Variants in UGT3A1 observed in about 807,000 individuals in gnomAD.
UGT3A1 encodes the protein UDP glycosyltransferase family 3 member A1, also known as UDP-glycosyltransferase 3A1.
In UGT3A1, 40 loss-of-function variants were observed where a neutral mutation model predicts 37.6. The ratio of observed to expected loss-of-function variants is 1.06; its 90% CI spans 0.83 to 1.38. The LOEUF (loss-of-function observed/expected upper bound fraction) is 1.38. Ranked by LOEUF, UGT3A1 falls within the 40% of genes most tolerant of loss-of-function variation. The pLI, the probability that UGT3A1 is intolerant of heterozygous loss-of-function variation, is 0.00. For synonymous variants in UGT3A1, 256 were observed against 232.3 expected (o/e 1.10, Z -0.93); for missense variants, 642 against 634.2 (o/e 1.01, Z -0.13).
At chr5:35,962,141 G>C (rs1225032273) in intron 4 of UGT3A1, 1 of 152,186 alleles carries the variant, frequency 6.6e-6, no homozygotes, top group Non-Finnish European at 1.5e-5. Flanking sequence ...AAATCTCTCT[G>C]CTACTTGCAG....
intron 2 of UGT3A1, among the ~76,000 whole-genome samples, chr5:35,983,181 CAA>C (rs78247641): frequency 6.1e-5 from 9 of 146,680 alleles, no homozygotes; most frequent in East Asian, 2.0e-4. Context: ...AGAGAAGATC[CAA>C]AAAAAAAATC....
chr5:35,988,535 T>C lies in UGT3A1; in HGVS notation c.111A>G (p.Leu37=), dbSNP rs200014628. The change falls in exon 2 of 7, where the codon CTA becomes CTG. Residue 37 remains leucine, a synonymous_variant. Transcript: ENST00000274278. ...TISTLGGSHY[L]LLDRVSQILQ... ...GAATCTGAGACACCCGGTCCAACAGTAGGTAATGGCTTCCACCTAGAAACA... is the reference window on the plus strand; with the variant it reads ...GAATCTGAGACACCCGGTCCAACAGCAGGTAATGGCTTCCACCTAGAAACA... 8.1e-6 allele frequency: 13 copies of C among 1,612,120 alleles called. No homozygotes were observed. The highest frequency in any genetic ancestry group is 1.1e-5 in the Non-Finnish European group (13 of 1,179,148).
At chr5:35,980,083 A>G (rs1004440543) in intron 2 of UGT3A1, among the ~76,000 whole-genome samples, 5 of 152,256 alleles carry the variant, frequency 3.3e-5, no homozygotes, top group African/African-American at 7.2e-5. Flanking sequence ...TCAAAAACAT[A>G]TCAGACTGTG....
chr5:35,985,772 G>T (rs974318053), intron 2 of UGT3A1, among the ~76,000 whole-genome samples: 1 of 152,086 alleles, frequency 6.6e-6, no homozygotes, highest in African/African-American at 2.4e-5. Context: ...AGACATTGAG[G>T]AACTATTCCA....
At chr5:35,957,828 A>G (rs1222688434) in intron 4 of UGT3A1, among the ~76,000 whole-genome samples, 12 of 152,218 alleles carry the variant, frequency 7.9e-5, no homozygotes, top group Non-Finnish European at 1.8e-4. Context: ...GCATTTGAGA[A>G]GAAGGTGTAG....
chr5:35,973,186 A>G (rs534035301), intron 2 of UGT3A1, among the ~76,000 whole-genome samples: 3 of 152,332 alleles, frequency 2.0e-5, no homozygotes, highest in African/African-American at 7.2e-5. Flanking sequence ...GAAACTGTAC[A>G]GTCTCTTTCT....
At chr5:35,975,791 C>T (rs567731414) in intron 2 of UGT3A1, among the ~76,000 whole-genome samples, 3 of 152,108 alleles carry the variant, frequency 2.0e-5, no homozygotes, top group Non-Finnish European at 4.4e-5. Flanking sequence ...GTGTGCTGCA[C>T]CCATTAACAC....
In UGT3A1 at chr5:35,955,951, A is replaced by C. The variant is rs373428697; in HGVS notation, c.1076-87T>G. On this transcript the variant is annotated intron_variant, in intron 5 of 6. Coordinates refer to ENST00000274278, the MANE Select transcript of UGT3A1 (RefSeq NM_152404.4). ...AAGCAGAAAAGTCAGATGAAACACC[A>C]ATGAAATCAAGGTCTGTTGAGAAAA... The C allele has an allele frequency of 1.2e-4, 159 of 1,315,504 alleles. No homozygotes were observed. In the African/African-American group the frequency reaches 1.8e-3, roughly 15 times the overall value. The allele number at this position is 1,315,504 out of a possible 1,614,324, so 81.5% of individuals were successfully genotyped here.
At chr5:35,970,485 A>G (rs938514574) in intron 2 of UGT3A1, among the ~76,000 whole-genome samples, 2 of 151,896 alleles carry the variant, frequency 1.3e-5, no homozygotes, top group African/African-American at 4.8e-5. Context: ...ATTACCTCCC[A>G]CCAGGTCCAT....
chr5:35,995,337 G>A (rs1741070314), upstream of UGT3A1, among the ~76,000 whole-genome samples: 1 of 152,132 alleles, frequency 6.6e-6, no homozygotes, highest in Non-Finnish European at 1.5e-5. Context: ...TGAAAATGAG[G>A]GACCCTACAG....
intron 2 of UGT3A1, among the ~76,000 whole-genome samples, chr5:35,970,597 G>A (rs1739998002): frequency 6.6e-6 from 1 of 152,098 alleles, no homozygotes; most frequent in Admixed American, 6.6e-5. Flanking sequence ...ATATTCCATT[G>A]CATTCTGGGC....
chr5:35,998,093 G>T (rs185921758), intron 1 of UGT3A1, among the ~76,000 whole-genome samples: 1 of 152,254 alleles, frequency 6.6e-6, no homozygotes, highest in East Asian at 1.9e-4. Flanking sequence ...CTAAAAAAAT[G>T]AACAACCTGA....
chr5:35,959,195 A>C (rs905062752), intron 4 of UGT3A1, among the ~76,000 whole-genome samples: 2 of 152,224 alleles, frequency 1.3e-5, no homozygotes, highest in African/African-American at 4.8e-5. Flanking sequence ...ATCTTGATCA[A>C]AACACTCAAA....
intron 6 of UGT3A1, 68 bp from the exon 7 acceptor site, chr5:35,954,546 A>T: frequency 3.9e-6 from 6 of 1,550,434 alleles, no homozygotes; most frequent in Non-Finnish European, 5.3e-6. Context: ...TTTGTATTGC[A>T]TGAGCACACA....
In UGT3A1 at chr5:35,957,151, C is replaced by G. The variant is rs1002331128; in HGVS notation, c.1075+37G>C. The G allele has an allele frequency of 6.3e-6, 10 of 1,580,322 alleles. No homozygotes were observed. The African/African-American group carries it at 1.1e-4, about 17-fold the overall frequency. ...ACACTGACGAGCACCAAAGGCAGGTCAATGGAAAGAGAAGAGCAGACCTAA... is the reference window on the plus strand; with the variant it reads ...ACACTGACGAGCACCAAAGGCAGGTGAATGGAAAGAGAAGAGCAGACCTAA... On this transcript the variant is annotated intron_variant, in intron 5 of 6. Coordinates refer to ENST00000274278, the MANE Select transcript of UGT3A1 (RefSeq NM_152404.4).
At chr5:35,996,718 C>T (rs1481308597) in intron 2 of UGT3A1, among the ~76,000 whole-genome samples, 1 of 152,232 alleles carries the variant, frequency 6.6e-6, no homozygotes, top group East Asian at 1.9e-4. Flanking sequence ...GACAATGTAC[C>T]ACAATTTAGC....
Position 35,951,786 on chromosome 5 carries a change from T to C in UGT3A1, c.*2416A>G, listed in dbSNP as rs769334695. 2.2e-4 allele frequency: 33 copies of C among 152,192 alleles called. No homozygotes were observed. Among genetic ancestry groups the C allele is most frequent in the Admixed American group, 1.3e-3 (20 of 15,282 alleles). The allele number at this position is 152,192 out of a possible 1,614,324, so 9.4% of individuals were successfully genotyped here. A position where few individuals can be genotyped will look rare whatever the true frequency, so the allele number is the denominator to read the frequency against. ...TCCCTATACACAGGCTATGGAAAAA[T>C]TCACTTTTTCTCTTAGACTCAGCAT... On this transcript the variant is annotated 3_prime_UTR_variant, in exon 7 of 7. Coordinates refer to ENST00000274278, the MANE Select transcript of UGT3A1 (RefSeq NM_152404.4).
At chr5:35,964,441 C>G (rs1267407708) in intron 4 of UGT3A1, among the ~76,000 whole-genome samples, 1 of 152,134 alleles carries the variant, frequency 6.6e-6, no homozygotes, top group Non-Finnish European at 1.5e-5. Flanking sequence ...AGCTCCATTC[C>G]TAAATACACC....
chr5:35,968,037 T>A lies in UGT3A1; in HGVS notation c.293A>T (p.Glu98Val), dbSNP rs561633448. ...RIKKHFDSYI[E>V]TALDGRKESE... ...AAGTTACCTGCCATCCAATGCTGTT[T>A]CTATGTAGCTATCAAAATGCTTCTT... is the stretch of plus-strand genomic sequence containing the variant. Residue 98 changes from glutamate (E) to valine (V), a missense_variant, in exon 3 of 7, where the codon GAA becomes GTA. Physicochemically the swap from Glu to Val is moderately radical, Grantham distance 121. Coordinates refer to ENST00000274278, the MANE Select transcript of UGT3A1 (RefSeq NM_152404.4). 3 of 1,612,366 alleles carry A rather than the reference T, an allele frequency of 1.9e-6. No homozygotes were observed. The highest frequency in any genetic ancestry group is 2.5e-6 in the Non-Finnish European group (3 of 1,179,540).
Sources: allele counts gnomAD v4.1 joint callset (sites outside exome capture counted in the v4.1 genomes callset), GRCh38; gene constraint gnomAD v4.1.1; transcripts MANE v1.5; gene names NCBI Gene and HGNC (gene_info 2026-07-23, HGNC 2026-07-21).